The following CFI variants were observed in gnomAD, a reference collection of about 807,000 sequenced individuals.
CFI encodes complement factor I.
A neutral mutation model predicts 78.8 loss-of-function variants in CFI; 66 were observed. That is an observed-to-expected ratio of 0.84 (90% CI 0.69 to 1.03). CFI has a LOEUF of 1.03. Ranked by LOEUF, CFI falls within the 50% of genes least tolerant of loss-of-function variation. CFI has a pLI of 0.00. For missense variants in CFI, 706 were observed against 704.5 expected, an observed-to-expected ratio of 1.00 and a Z score of -0.02; for synonymous variants, 250 against 232.6, an observed-to-expected ratio of 1.07 and a Z score of -0.68.
chr4:109,780,560 T>C (rs978098443), intron 1 of CFI, among the ~76,000 whole-genome samples: 6 of 152,184 alleles, frequency 3.9e-5, no homozygotes, highest in African/African-American at 1.4e-4. Context: ...GACTATAAAG[T>C]AGTTCAACCA....
intron 12 of CFI, 39 bp downstream of exon 12, chr4:109,742,452 A>G (rs1463884485): frequency 7.7e-7 from 1 of 1,301,118 alleles, no homozygotes; most frequent in Non-Finnish European, 1.1e-6. Context: ...GGGGAAATAC[A>G]TACATCTTGA....
chr4:109,742,903 G>A (rs1438978944), intron 11 of CFI, among the ~76,000 whole-genome samples: 2 of 152,154 alleles, frequency 1.3e-5, no homozygotes, highest in African/African-American at 4.8e-5. Flanking sequence ...AATTGGATAG[G>A]AATCAGTGAT....
chr4:109,742,809 A>C (rs560109582), intron 11 of CFI, among the ~76,000 whole-genome samples: 1 of 152,306 alleles, frequency 6.6e-6, no homozygotes, highest in South Asian at 2.1e-4. Context: ...ATATGGTCTG[A>C]AGTCACATTC....
chr4:109,760,627 A>G lies in CFI; in HGVS notation c.668T>C (p.Met223Thr). 1 of 1,567,704 alleles carries G rather than the reference A, an allele frequency of 6.4e-7. No homozygotes were observed. Among genetic ancestry groups the G allele is most frequent in the Non-Finnish European group, 8.8e-7 (1 of 1,137,790 alleles). Residue 223 changes from methionine (M) to threonine (T), a missense_variant, in exon 5 of 13, where the codon ATG becomes ACG. Transcript: ENST00000394634. ...ATTCACACACTGAAAGAAGTCATCCATTGGAGAATCTGTAAAGCAGGAATT... is the reference window on the plus strand; with the variant it reads ...ATTCACACACTGAAAGAAGTCATCCGTTGGAGAATCTGTAAAGCAGGAATT... The part of the protein sequence containing the change: ...VCYTQKADSP[M>T]DDFFQCVNGK...
chr4:109,788,215 A>G (rs1334210526), intron 1 of CFI, among the ~76,000 whole-genome samples: 3 of 152,124 alleles, frequency 2.0e-5, no homozygotes, highest in Admixed American at 6.6e-5. Flanking sequence ...CACATATGCT[A>G]AGTATATCTG....
intron 1 of CFI, among the ~76,000 whole-genome samples, chr4:109,792,427 T>G (rs183297407): frequency 4.8e-4 from 73 of 152,194 alleles, no homozygotes; most frequent in Non-Finnish European, 9.4e-4. Flanking sequence ...AATACACAAA[T>G]TAGCCGGGCG....
rs1561297939 is a variant in CFI, at chr4:109,756,949, GAAAGAAAGAAAGAAAGAAAGA to G, written c.904+793_904+813del. On this transcript the variant is annotated intron_variant, in intron 7 of 12. Transcript: ENST00000394634. Reference sequence around the variant, plus strand: ...AGAAAGAAAGAAAGAAAGAAAGAAAGAAAGAAAGAAAGAAAGAAAGAAAGAAAGAAATTCTGAGGAGGATCA... The same window carrying G: ...AGAAAGAAAGAAAGAAAGAAAGAAAGAAGAAAGAAATTCTGAGGAGGATCA... 3.9e-4 allele frequency among the ~76,000 whole-genome samples: 56 copies of G among 142,644 alleles called. 2 individuals carry two copies. The South Asian group carries it at 0.012, about 31-fold the overall frequency. The allele number at this position is 142,644 out of a possible 152,430, so 93.6% of individuals were successfully genotyped here.
downstream of CFI, among the ~76,000 whole-genome samples, chr4:109,739,643 C>T (rs1723593937): frequency 6.6e-6 from 1 of 152,106 alleles, no homozygotes; most frequent in African/African-American, 2.4e-5. Context: ...ATGGTATATA[C>T]TAGTGTTCAG....
chr4:109,767,018 C>A (rs987947925), intron 1 of CFI, among the ~76,000 whole-genome samples, 194 bp from the exon 2 acceptor site: 1 of 152,094 alleles, frequency 6.6e-6, no homozygotes, highest in Admixed American at 6.6e-5. Flanking sequence ...TTGACAAAAA[C>A]AAGAAATGGG....
At chr4:109,785,015 A>AC in intron 1 of CFI, among the ~76,000 whole-genome samples, 1 of 151,942 alleles carries the variant, frequency 6.6e-6, no homozygotes, top group African/African-American at 2.4e-5. Context: ...TGTGATATTC[A>AC]CCCCCGCAAG....
intron 6 of CFI, 22 bp downstream of exon 6, chr4:109,760,248 T>A (rs1166222715): frequency 6.4e-7 from 1 of 1,558,522 alleles, no homozygotes; most frequent in Non-Finnish European, 8.9e-7. Flanking sequence ...TGAAAAAAAG[T>A]CACCCCAAGT....
chr4:109,735,651 C>A, the CFI span, among the ~76,000 whole-genome samples: 1 of 152,196 alleles, frequency 6.6e-6, no homozygotes, highest in Non-Finnish European at 1.5e-5. Flanking sequence ...AAAATAAAAG[C>A]CACATGGTGA....
intron 1 of CFI, among the ~76,000 whole-genome samples, chr4:109,770,292 G>A (rs1317319475): frequency 6.6e-6 from 1 of 152,208 alleles, no homozygotes; most frequent in Non-Finnish European, 1.5e-5. Flanking sequence ...AGGCACAGTG[G>A]CTCACGCCTG....
chr4:109,780,295 T>C (rs752264601), intron 1 of CFI, among the ~76,000 whole-genome samples: 2 of 151,656 alleles, frequency 1.3e-5, no homozygotes, highest in Non-Finnish European at 2.9e-5. Flanking sequence ...CAAACAAATT[T>C]ACAAGAAAAA....
intron 11 of CFI, 71 bp downstream of exon 11, chr4:109,746,151 G>C: frequency 6.6e-7 from 1 of 1,523,448 alleles, no homozygotes; most frequent in Non-Finnish European, 9.1e-7. Context: ...TAGGAAATTA[G>C]CTCCTATACA....
intron 4 of CFI, 65 bp downstream of exon 4, chr4:109,761,452 A>G (rs1271416802): frequency 2.1e-6 from 3 of 1,455,976 alleles, no homozygotes; most frequent in Non-Finnish European, 2.9e-6. Context: ...TTTGTTTACT[A>G]TAGGCTTGGT....
At chr4:109,778,971 T>C (rs1729640557) in intron 1 of CFI, among the ~76,000 whole-genome samples, 1 of 152,136 alleles carries the variant, frequency 6.6e-6, no homozygotes, top group African/African-American at 2.4e-5. Context: ...TAGGTATTGA[T>C]GGGACGTATC....
chr4:109,799,433 G>T (rs943846652), intron 1 of CFI, among the ~76,000 whole-genome samples: 1 of 152,174 alleles, frequency 6.6e-6, no homozygotes, highest in African/African-American at 2.4e-5. Context: ...CTAGGGAACC[G>T]GGTCCCTCCC....
downstream of CFI, among the ~76,000 whole-genome samples, chr4:109,738,172 T>A (rs1467451778): frequency 6.7e-6 from 1 of 150,360 alleles, no homozygotes; most frequent in Non-Finnish European, 1.5e-5. Context: ...TGGAGTGCAG[T>A]GCTGCAATCA....
Sources: allele counts gnomAD v4.1 joint callset (sites outside exome capture counted in the v4.1 genomes callset), GRCh38; gene constraint gnomAD v4.1.1; transcripts MANE v1.5; gene names NCBI Gene and HGNC (gene_info 2026-07-23, HGNC 2026-07-21).